Variants in CFAP97D1 observed in about 807,000 individuals in gnomAD.
CFAP97D1 encodes CFAP97 domain containing 1.
CFAP97D1 carries 15 observed loss-of-function variants against 20.5 expected under a neutral mutation model. The observed-to-expected ratio is 0.73, with a 90% confidence interval of 0.49 to 1.13. CFAP97D1 has a LOEUF of 1.13. Ranked by LOEUF, CFAP97D1 falls within the 50% of genes most tolerant of loss-of-function variation. The pLI is 0.00. For missense variants in CFAP97D1, 168 were observed against 202.9 expected, an observed-to-expected ratio of 0.83 and a Z score of 1.04; for synonymous variants, 58 against 71.2, an observed-to-expected ratio of 0.82 and a Z score of 0.93.
chr17:43,781,016 G>A lies in CFAP97D1; in HGVS notation c.125-103G>A, dbSNP rs764751337. On this transcript the variant is annotated intron_variant, in intron 1 of 5. Transcript: ENST00000449302. ...TTGAGTCGCATTAAGGTCCTAATTCGAAATTGTTCATTAGTCAAGGACATT... is the reference window on the plus strand; with the variant it reads ...TTGAGTCGCATTAAGGTCCTAATTCAAAATTGTTCATTAGTCAAGGACATT... 3.5e-6 allele frequency: 3 copies of A among 849,836 alleles called. No individual in the cohort carries two copies. The East Asian group carries it at 8.1e-5, about 23-fold the overall frequency. 52.6% of individuals were successfully genotyped at this position (849,836 alleles called of 1,614,324 possible).
In CFAP97D1 at chr17:43,785,609, G is replaced by A. The variant is rs1450917272; in HGVS notation, c.*1227G>A. ...CCAGCTAATTTTTGTATTTTTAGTAGAGACGAGGTTTCACCATCTTGGCCA... is the reference window on the plus strand; with the variant it reads ...CCAGCTAATTTTTGTATTTTTAGTAAAGACGAGGTTTCACCATCTTGGCCA... On this transcript the variant is annotated 3_prime_UTR_variant, in exon 6 of 6. Coordinates refer to ENST00000449302, the MANE Select transcript of CFAP97D1 (RefSeq NM_001136483.3). 1 of 152,186 alleles carries A rather than the reference G, an allele frequency of 6.6e-6. No individual in the cohort carries two copies. Among genetic ancestry groups the A allele is most frequent in the Non-Finnish European group, 1.5e-5 (1 of 68,088 alleles). The allele number at this position is 152,186 out of a possible 1,614,324, so 9.4% of individuals were successfully genotyped here.
chr17:43,781,849 G>A lies in CFAP97D1; in HGVS notation c.271G>A (p.Gly91Ser), dbSNP rs368159691. The change falls in exon 3 of 6, where the codon GGC (glycine) becomes AGC (serine). Residue 91 changes from glycine (G) to serine (S), a missense_variant. Coordinates refer to ENST00000449302, the MANE Select transcript of CFAP97D1 (RefSeq NM_001136483.3). Reference sequence around the variant, plus strand: ...TCAGAAAATCGCAAATGCCCATCGCGGCCCTGCCAAGGTGGATTGCTGGAA... The same window carrying A: ...TCAGAAAATCGCAAATGCCCATCGCAGCCCTGCCAAGGTGGATTGCTGGAA... ...LCQKIANAHRGPAKVDCWNEY... is the reference protein window; with the variant it reads ...LCQKIANAHRSPAKVDCWNEY... 7.2e-5 allele frequency: 112 copies of A among 1,551,400 alleles called. 1 individual carries two copies. In the South Asian group the frequency reaches 1.1e-3, roughly 16 times the overall value.
intron 5 of CFAP97D1, 73 bp from the exon 6 acceptor site, chr17:43,784,310 G>A (rs1567785768): frequency 6.1e-6 from 1 of 162,686 alleles, no homozygotes; most frequent in African/African-American, 2.4e-5. Flanking sequence ...AAGATAAATG[G>A]ACACTTAGGC....
intron 5 of CFAP97D1, among the ~76,000 whole-genome samples, chr17:43,784,142 G>T (rs778100538): frequency 6.6e-6 from 1 of 152,176 alleles, no homozygotes; most frequent in Non-Finnish European, 1.5e-5. Context: ...GAAGTGATTT[G>T]TTCCAATAAG....
At chr17:43,783,044 G>A in intron 3 of CFAP97D1, 136 bp from the exon 4 acceptor site, 1 of 1,042,830 alleles carries the variant, frequency 9.6e-7, no homozygotes, top group South Asian at 1.6e-5. Context: ...CTGTCCCAGG[G>A]GCCTGTGGGC....
At position 43,780,587 on chromosome 17, in the gene CFAP97D1, G is replaced by A. The variant is rs780545436; in HGVS notation, c.124+1G>A. Reference sequence around the variant, plus strand: ...TCTCACAAGAATAGAATACAAATAGGTATGTGGGCAGTTTGGGCTGGACAC... The same window carrying A: ...TCTCACAAGAATAGAATACAAATAGATATGTGGGCAGTTTGGGCTGGACAC... On this transcript the variant is annotated splice_donor_variant, in intron 1 of 5. Coordinates refer to ENST00000449302, the MANE Select transcript of CFAP97D1 (RefSeq NM_001136483.3). LOFTEE classifies it high-confidence loss of function. The A allele has an allele frequency of 1.3e-6, 2 of 1,551,698 alleles. No homozygotes were observed. Among genetic ancestry groups the A allele is most frequent in the South Asian group, 2.4e-5 (2 of 84,052 alleles).
rs534839900 is a variant in CFAP97D1, at chr17:43,781,290, C to G, written c.195+101C>G. The G allele has an allele frequency of 8.8e-5, 86 of 978,328 alleles. No individual in the cohort carries two copies. The South Asian group carries it at 1.1e-3, about 13-fold the overall frequency. 60.6% of individuals were successfully genotyped at this position (978,328 alleles called of 1,614,324 possible). On this transcript the variant is annotated intron_variant, in intron 2 of 5. Coordinates refer to ENST00000449302, the MANE Select transcript of CFAP97D1 (RefSeq NM_001136483.3). ...TTCCCAGAGCCTTCTAAATACCCAT[C>G]TACTCAAAGATTTGTTAATACTCCT...
chr17:43,783,345 T>C, intron 4 of CFAP97D1, 42 bp downstream of exon 4: 1 of 1,546,992 alleles, frequency 6.5e-7, no homozygotes, highest in Non-Finnish European at 8.7e-7. Flanking sequence ...ACACACAGAG[T>C]TTGTCGGTGT....
At chr17:43,781,705 C>A in intron 2 of CFAP97D1, 69 bp from the exon 3 acceptor site, 1 of 999,248 alleles carries the variant, frequency 1.0e-6, no homozygotes, top group Non-Finnish European at 1.6e-6. Context: ...AGGAGGGGAA[C>A]ACTAAGTCAT....
In CFAP97D1 at chr17:43,781,803, G is replaced by A; in HGVS notation, c.225G>A (p.Glu75=). ...AACAAAAGAAAATCAACAAAATCGAGTATGAAAACAAGCAACTGTGTCAGA... is the reference window on the plus strand; with the variant it reads ...AACAAAAGAAAATCAACAAAATCGAATATGAAAACAAGCAACTGTGTCAGA... The part of the protein sequence containing the change: ...QGEQKKINKI[E]YENKQLCQKI... Residue 75 remains glutamate, a synonymous_variant, in exon 3 of 6, where the codon GAG becomes GAA. Coordinates refer to ENST00000449302, the MANE Select transcript of CFAP97D1 (RefSeq NM_001136483.3). 6.4e-7 allele frequency: 1 copy of A among 1,551,544 alleles called. No homozygotes were observed. The highest frequency in any genetic ancestry group is 8.7e-7 in the Non-Finnish European group (1 of 1,146,864).
chr17:43,781,041 T>A, intron 1 of CFAP97D1, 78 bp from the exon 2 acceptor site: 1 of 1,069,644 alleles, frequency 9.3e-7, no homozygotes, highest in South Asian at 1.4e-5. Context: ...TCAAGGACAT[T>A]GTCTAGTGCT....
intron 1 of CFAP97D1, 75 bp from the exon 2 acceptor site, chr17:43,781,044 C>T (rs765023313): frequency 4.3e-5 from 48 of 1,107,034 alleles, no homozygotes; most frequent in Non-Finnish European, 6.3e-5. Context: ...AGGACATTGT[C>T]TAGTGCTGGT....
chr17:43,781,374 T>C (rs113555429), intron 2 of CFAP97D1, among the ~76,000 whole-genome samples, 185 bp downstream of exon 2: 15,472 of 148,218 alleles, frequency 0.1, 985 homozygotes, highest in African/African-American at 0.17. Context: ...TCTCGCTCTG[T>C]TGCCTAGGCT....
At chr17:43,783,058 G>GC (rs1974491273) in intron 3 of CFAP97D1, 122 bp from the exon 4 acceptor site, 1 of 1,263,214 alleles carries the variant, frequency 7.9e-7, no homozygotes, top group Non-Finnish European at 1.1e-6. Context: ...TGTGGGCTCA[G>GC]CAGGACAGTT....
chr17:43,784,010 A>C (rs1433758253), intron 5 of CFAP97D1, 117 bp downstream of exon 5: 1 of 679,758 alleles, frequency 1.5e-6, no homozygotes, highest in Non-Finnish European at 2.4e-6. Flanking sequence ...TTCTCATATA[A>C]TATTGACTAG....
Position 43,781,202 on chromosome 17 carries a change from G to C in CFAP97D1, c.195+13G>C. On this transcript the variant is annotated intron_variant, in intron 2 of 5. Coordinates refer to ENST00000449302, the MANE Select transcript of CFAP97D1 (RefSeq NM_001136483.3). ...GAGCAAACTACAGGTATTTGTTCTTGCTGCTTGCAGATGTGCAGATGTATT... is the reference window on the plus strand; with the variant it reads ...GAGCAAACTACAGGTATTTGTTCTTCCTGCTTGCAGATGTGCAGATGTATT... 1 of 1,545,208 alleles carries C rather than the reference G, an allele frequency of 6.5e-7. No individual in the cohort carries two copies. Among genetic ancestry groups the C allele is most frequent in the Middle Eastern group, 1.7e-4 (1 of 5,978 alleles).
In CFAP97D1 at chr17:43,786,033, A is replaced by G. The variant is rs933079570; in HGVS notation, c.*1651A>G. The G allele has an allele frequency of 6.6e-6, 1 of 151,906 alleles. No individual in the cohort carries two copies. Among genetic ancestry groups the G allele is most frequent in the African/African-American group, 2.4e-5 (1 of 41,274 alleles). 9.4% of individuals were successfully genotyped at this position (151,906 alleles called of 1,614,324 possible). A position where few individuals can be genotyped will look rare whatever the true frequency, so the allele number is the denominator to read the frequency against. On this transcript the variant is annotated 3_prime_UTR_variant, in exon 6 of 6. Transcript: ENST00000449302. ...CTCAGTTCGAGGCCAAAGGCTGAGA[A>G]CCCACTAGGGGGGACAAGGGTGCTG...
Position 43,783,872 on chromosome 17 carries a change from T to C in CFAP97D1, c.474T>C (p.Tyr158=), listed in dbSNP as rs764291007. The C allele has an allele frequency of 2.6e-6, 4 of 1,550,436 alleles. No individual in the cohort carries two copies. The highest frequency in any genetic ancestry group is 3.5e-6 in the Non-Finnish European group (4 of 1,146,720). The change falls in exon 5 of 6, where the codon TAT becomes TAC. Residue 158 remains tyrosine (Y), a synonymous_variant. Coordinates refer to ENST00000449302, the MANE Select transcript of CFAP97D1 (RefSeq NM_001136483.3). ...SRRYIRNTTR[Y]LLSQNE The stretch of plus-strand genomic sequence containing the variant: ...GCTATATCAGAAATACCACGAGATA[T>C]CTTCTCTCCCAAAATGAATAGGTAT...
chr17:43,782,274 C>T (rs975042598), intron 3 of CFAP97D1, among the ~76,000 whole-genome samples: 3 of 152,172 alleles, frequency 2.0e-5, no homozygotes, highest in Admixed American at 6.5e-5. Flanking sequence ...ATCAAGGTGC[C>T]AGTAAATTCG....
Sources: gnomAD v4.1 joint callset for allele counts (sites outside exome capture counted in the v4.1 genomes callset) on GRCh38, gnomAD v4.1.1 for gene constraint, MANE v1.5 for transcripts, NCBI Gene and HGNC (gene_info 2026-07-23, HGNC 2026-07-21) for gene names.